Variants in CHCHD4 observed in about 807,000 individuals in gnomAD.
CHCHD4 encodes coiled-coil-helix-coiled-coil-helix domain containing 4, also known as mitochondrial intermembrane space import and assembly protein 40.
In CHCHD4, 7 loss-of-function variants were observed where a neutral mutation model predicts 12.4. The observed-to-expected ratio is 0.57, with a 90% CI of 0.32 to 1.06. The LOEUF (loss-of-function observed/expected upper bound fraction) is 1.06. Among genes scored for constraint, CHCHD4 ranks in the 50% least tolerant of loss-of-function variants. The pLI, the probability that CHCHD4 is intolerant of heterozygous loss-of-function variation, is 0.04. For missense variants in CHCHD4, 143 were observed against 175.1 expected, an observed-to-expected ratio of 0.82 and a Z score of 1.03; for synonymous variants, 56 against 58.0, an observed-to-expected ratio of 0.97 and a Z score of 0.16.
rs1694829036 is a variant in CHCHD4, at chr3:14,112,212, A to G, written c.*675T>C. The G allele has an allele frequency of 6.6e-6, 1 of 152,186 alleles. No homozygotes were observed. Among genetic ancestry groups the G allele is most frequent in the Admixed American group, 6.5e-5 (1 of 15,290 alleles). 9.4% of individuals were successfully genotyped at this position (152,186 alleles called of 1,614,324 possible). A position where few individuals can be genotyped will look rare whatever the true frequency, so the allele number is the denominator to read the frequency against. ...GACTAGACTGAGAGCCAGTGTGAAC[A>G]TGGGCCCCAAACCAGGGCTTTCGGA... is the stretch of plus-strand genomic sequence containing the variant. On this transcript the variant is annotated 3_prime_UTR_variant, in exon 3 of 3. Coordinates refer to ENST00000396914, the MANE Select transcript of CHCHD4 (RefSeq NM_001098502.2).
chr3:14,115,339 G>T (rs957450238), intron 2 of CHCHD4, among the ~76,000 whole-genome samples: 1 of 137,222 alleles, frequency 7.3e-6, no homozygotes. Context: ...AGGCAGATAC[G>T]TACTGCTTTT....
chr3:14,119,270 C>A (rs1057215739), intron 1 of CHCHD4: 1 of 152,208 alleles, frequency 6.6e-6, no homozygotes, highest in Admixed American at 6.5e-5. Context: ...TGTGAGTTCA[C>A]TGGTGGGTAT....
At chr3:14,117,537 C>G (rs192173026) in intron 1 of CHCHD4, among the ~76,000 whole-genome samples, 10 of 152,356 alleles carry the variant, frequency 6.6e-5, no homozygotes, top group South Asian at 2.1e-4. Context: ...CTTTACCTCA[C>G]CTCCCTAAAA....
intron 2 of CHCHD4, among the ~76,000 whole-genome samples, chr3:14,114,569 A>T (rs1332189574): frequency 6.6e-6 from 1 of 152,174 alleles, no homozygotes; most frequent in African/African-American, 2.4e-5. Flanking sequence ...GGAGCTTCAA[A>T]TCTGCTCACA....
At chr3:14,121,988 A>G (rs1694940323) in intron 1 of CHCHD4, 1 of 1,613,964 alleles carries the variant, frequency 6.2e-7, no homozygotes, top group Admixed American at 1.7e-5. Flanking sequence ...CCAGTGGAGA[A>G]GACGGAAGGG....
intron 2 of CHCHD4, among the ~76,000 whole-genome samples, chr3:14,116,033 G>A: frequency 6.6e-6 from 1 of 152,206 alleles, no homozygotes; most frequent in East Asian, 1.9e-4. Context: ...TGCTGGAGCA[G>A]TTAGAGACAG....
Position 14,112,866 on chromosome 3 carries a change from C to G in CHCHD4, c.*21G>C, listed in dbSNP as rs1694835394. 6.3e-7 allele frequency: 1 copy of G among 1,592,522 alleles called. No homozygotes were observed. The highest frequency in any genetic ancestry group is 8.6e-7 in the Non-Finnish European group (1 of 1,168,544). The stretch of plus-strand genomic sequence containing the variant: ...AAGGTCCACTCCAAAAGGACTGGTG[C>G]CCAGTGCCTTGTGGCCTTCATTAAC... On this transcript the variant is annotated 3_prime_UTR_variant, in exon 3 of 3. Coordinates refer to ENST00000396914, the MANE Select transcript of CHCHD4 (RefSeq NM_001098502.2).
At chr3:14,120,390 G>A (rs574932582) in intron 1 of CHCHD4, among the ~76,000 whole-genome samples, 2 of 151,226 alleles carry the variant, frequency 1.3e-5, no homozygotes, top group Non-Finnish European at 2.9e-5. Context: ...CTCCAGCCAC[G>A]CTGGCCTCTG....
At position 14,113,149 on chromosome 3, in the gene CHCHD4, A is replaced by G; in HGVS notation, c.167T>C (p.Leu56Pro). The change falls in exon 3 of 3, where the codon CTT becomes CCT. Residue 56 changes from leucine to proline, a missense_variant. Transcript: ENST00000396914. ...ACAGGGACCGCTGGCCATTCCCCCA[A>G]GGCATGGGCAGTTCCAGTTAATGTT... ...NGNINWNCPC[L>P]GGMASGPCGE... The G allele has an allele frequency of 6.2e-7, 1 of 1,613,642 alleles. No homozygotes were observed. The highest frequency in any genetic ancestry group is 1.1e-5 in the South Asian group (1 of 90,992).
At position 14,116,511 on chromosome 3, in the gene CHCHD4, G is replaced by T; in HGVS notation, c.36C>A (p.Ile12=). The T allele has an allele frequency of 6.2e-7, 1 of 1,610,292 alleles. No individual in the cohort carries two copies. The highest frequency in any genetic ancestry group is 1.1e-5 in the South Asian group (1 of 91,010). ...SYCRQEGKDR[I]IFVTKEDHET... ...CATGATCTTCTTTGGTTACAAATAT[G>T]ATTCGATCCTTCCCTAGTGTTTGGA... The change falls in exon 2 of 3, where the codon ATC becomes ATA. Residue 12 remains isoleucine, a synonymous_variant. Transcript: ENST00000396914.
At chr3:14,119,422 G>T (rs1694910072) in intron 1 of CHCHD4, 1 of 152,126 alleles carries the variant, frequency 6.6e-6, no homozygotes, top group African/African-American at 2.4e-5. Flanking sequence ...TTGTATGCCT[G>T]TCCTAGAGGG....
At position 14,112,747 on chromosome 3, in the gene CHCHD4, C is replaced by CCT. The variant is rs1457928012; in HGVS notation, c.*138_*139dup. ...ATGTCAAGATGTCAAGACCTCAAGA[C>CCT]CTCTGATCATCAAAATAAGTTATTT... On this transcript the variant is annotated 3_prime_UTR_variant, in exon 3 of 3. Transcript: ENST00000396914. 7.6e-6 allele frequency: 6 copies of CCT among 793,664 alleles called. No individual in the cohort carries two copies. Among genetic ancestry groups the CCT allele is most frequent in the Non-Finnish European group, 9.8e-6 (5 of 508,952 alleles). The allele number at this position is 793,664 out of a possible 1,614,324, so 49.2% of individuals were successfully genotyped here. A position where few individuals can be genotyped will look rare whatever the true frequency, so the allele number is the denominator to read the frequency against.
intron 2 of CHCHD4, among the ~76,000 whole-genome samples, chr3:14,115,525 TTTGTATAACGTCTGCATTTCCCACTGC>T (rs1259443302): frequency 6.6e-6 from 1 of 152,218 alleles, no homozygotes; most frequent in African/African-American, 2.4e-5. Context: ...ATGCTAACAC[TTTGTATAACGTCTGCATTTCCCACTGC>T]TCCCACTGGG....
chr3:14,123,659 T>C (rs1194664257), intron 1 of CHCHD4, among the ~76,000 whole-genome samples: 1 of 152,166 alleles, frequency 6.6e-6, no homozygotes, highest in Non-Finnish European at 1.5e-5. Context: ...CTCTGTAGTT[T>C]TATAACCATC....
intron 2 of CHCHD4, among the ~76,000 whole-genome samples, chr3:14,114,339 A>C (rs1400535625): frequency 6.6e-6 from 1 of 152,194 alleles, no homozygotes; most frequent in Non-Finnish European, 1.5e-5. Context: ...GTTCTCCTGC[A>C]TTAAGCTACG....
In CHCHD4 at chr3:14,112,674, G is replaced by C. The variant is rs964459672; in HGVS notation, c.*213C>G. The C allele has an allele frequency of 7.0e-5, 33 of 471,542 alleles. No individual in the cohort carries two copies. The highest frequency in any genetic ancestry group is 3.7e-4 in the Admixed American group (10 of 26,928). 29.2% of individuals were successfully genotyped at this position (471,542 alleles called of 1,614,324 possible). ...GAGAATTCAAAAGTGGCGGCCACAG[G>C]TTTGGGTAGGACACACATACATACA... On this transcript the variant is annotated 3_prime_UTR_variant, in exon 3 of 3. Coordinates refer to ENST00000396914, the MANE Select transcript of CHCHD4 (RefSeq NM_001098502.2).
In CHCHD4 at chr3:14,124,648, T is replaced by G. The variant is rs1196247392; in HGVS notation, c.22+7A>C. The G allele has an allele frequency of 1.3e-6, 2 of 1,518,460 alleles. No individual in the cohort carries two copies. The highest frequency in any genetic ancestry group is 2.5e-5 in the South Asian group (2 of 80,294). The allele number at this position is 1,518,460 out of a possible 1,614,324, so 94.1% of individuals were successfully genotyped here. ...GGCCGGTCTCCGTGGCAGCCCGCCCTCCCTACCTTCCTGCCGGCAATAGGA... is the reference window on the plus strand; with the variant it reads ...GGCCGGTCTCCGTGGCAGCCCGCCCGCCCTACCTTCCTGCCGGCAATAGGA... On this transcript the variant is annotated splice_region_variant and intron_variant, in intron 1 of 2. Coordinates refer to ENST00000396914, the MANE Select transcript of CHCHD4 (RefSeq NM_001098502.2).
At chr3:14,114,474 C>T (rs974946156) in intron 2 of CHCHD4, among the ~76,000 whole-genome samples, 1 of 152,168 alleles carries the variant, frequency 6.6e-6, no homozygotes, top group East Asian at 1.9e-4. Flanking sequence ...ACAGGATTCC[C>T]AGAGTCCATG....
At position 14,124,745 on chromosome 3, in the gene CHCHD4, T is replaced by C; in HGVS notation, c.-69A>G. The C allele has an allele frequency of 6.8e-7, 1 of 1,470,376 alleles. No homozygotes were observed. Among genetic ancestry groups the C allele is most frequent in the Admixed American group, 2.4e-5 (1 of 42,346 alleles). The allele number at this position is 1,470,376 out of a possible 1,614,324, so 91.1% of individuals were successfully genotyped here. Reference sequence around the variant, plus strand: ...GCAGCTGCACCTTTACGCCGTGACCTCCCTCTCCTCTGGCAGGGCGGGCTC... The same window carrying C: ...GCAGCTGCACCTTTACGCCGTGACCCCCCTCTCCTCTGGCAGGGCGGGCTC... On this transcript the variant is annotated 5_prime_UTR_variant, in exon 1 of 3. Transcript: ENST00000396914.
Sources: allele counts gnomAD v4.1 joint callset (sites outside exome capture counted in the v4.1 genomes callset), GRCh38; gene constraint gnomAD v4.1.1; transcripts MANE v1.5; gene names NCBI Gene and HGNC (gene_info 2026-07-23, HGNC 2026-07-21).